Variants in CNTNAP5 observed in about 807,000 individuals in gnomAD.
CNTNAP5 encodes the protein contactin-associated protein-like 5.
A neutral mutation model predicts 150.2 loss-of-function variants in CNTNAP5; 72 were observed. That is an observed-to-expected ratio of 0.48 (90% CI 0.40 to 0.58). The LOEUF (loss-of-function observed/expected upper bound fraction) is 0.58, where lower values mean the gene tolerates loss of function less well. CNTNAP5 is among the 20% of genes least tolerant of loss of function. The pLI is 0.00. For synonymous variants in CNTNAP5, 672 were observed against 619.8 expected, an observed-to-expected ratio of 1.08 and a Z score of -1.25; for missense variants, 1,636 against 1,626.2, an observed-to-expected ratio of 1.01 and a Z score of -0.10.
chr2:124,876,101 CA>C (rs1417937931), intron 21 of CNTNAP5, among the ~76,000 whole-genome samples: 6 of 152,064 alleles, frequency 3.9e-5, no homozygotes, highest in African/African-American at 1.4e-4. Flanking sequence ...GTGAAATCAT[CA>C]ACTCCAGGTT....
chr2:124,446,466 C>A (rs1692820080), intron 5 of CNTNAP5, among the ~76,000 whole-genome samples: 1 of 152,132 alleles, frequency 6.6e-6, no homozygotes, highest in Admixed American at 6.5e-5. Context: ...CATTTTCAAT[C>A]ATATTTATGT....
At chr2:124,818,658 T>G (rs1196290742) in intron 19 of CNTNAP5, among the ~76,000 whole-genome samples, 1 of 152,082 alleles carries the variant, frequency 6.6e-6, no homozygotes, top group African/African-American at 2.4e-5. Context: ...CTCCCCCACT[T>G]TCCACTCCAT....
intron 3 of CNTNAP5, among the ~76,000 whole-genome samples, chr2:124,379,388 T>A (rs1418764291): frequency 6.6e-6 from 1 of 152,092 alleles, no homozygotes. Flanking sequence ...GTTTCCATAG[T>A]TTTGTCTTTT....
In CNTNAP5 at chr2:124,592,375, A is replaced by ATG. The variant is rs10675321; in HGVS notation, c.1757-17408_1757-17407dup. On this transcript the variant is annotated intron_variant, in intron 11 of 23. Coordinates refer to ENST00000682447, the MANE Select transcript of CNTNAP5 (RefSeq NM_001367498.1). ...TATATGTATACGTGTGTATATATAT[A>ATG]TGTGTGTGTGTGTGTGTGTATCAAA... Among the ~76,000 whole-genome samples the ATG allele has an allele frequency of 5.2e-3, 780 of 149,714 alleles. 8 individuals carry two copies. Among genetic ancestry groups the ATG allele is most frequent in the South Asian group, 0.041 (196 of 4,736 alleles).
intron 12 of CNTNAP5, among the ~76,000 whole-genome samples, chr2:124,620,774 C>CACACAT (rs1558707412): frequency 7.1e-6 from 1 of 140,034 alleles, no homozygotes; most frequent in East Asian, 2.1e-4. Context: ...CACACACACA[C>CACACAT]ATATATATGC....
Position 124,446,808 on chromosome 2 carries a change from C to T in CNTNAP5, c.789C>T (p.Leu263=), listed in dbSNP as rs1249877612. ...SSLPSATLGS[L]LDDQHWHSVL... Reference sequence around the variant, plus strand: ...TGCCCTCTGCCACCCTGGGCAGCCTCCTGGATGACCAGCACTGGCACTCGG... The same window carrying T: ...TGCCCTCTGCCACCCTGGGCAGCCTTCTGGATGACCAGCACTGGCACTCGG... Residue 263 remains leucine, a synonymous_variant, in exon 6 of 24, where the codon CTC becomes CTT. Transcript: ENST00000682447. 1.9e-6 allele frequency: 3 copies of T among 1,613,888 alleles called. No individual in the cohort carries two copies. In the Admixed American group the frequency reaches 5.0e-5, roughly 27 times the overall value.
chr2:124,635,677 T>A (rs1027111761), intron 12 of CNTNAP5, among the ~76,000 whole-genome samples: 1 of 152,182 alleles, frequency 6.6e-6, no homozygotes, highest in African/African-American at 2.4e-5. Context: ...TTCACTTTTG[T>A]TCTGAGCCCC....
At chr2:124,524,236 T>A (rs1694913639) in intron 8 of CNTNAP5, 67 bp from the exon 9 acceptor site, 1 of 1,541,678 alleles carries the variant, frequency 6.5e-7, no homozygotes. Flanking sequence ...GGCTGGGAAA[T>A]GAGCCCCCTC....
At position 124,439,227 on chromosome 2, in the gene CNTNAP5, G is replaced by C. The variant is rs568900558; in HGVS notation, c.733+4540G>C. 2.0e-4 allele frequency among the ~76,000 whole-genome samples: 31 copies of C among 152,112 alleles called. No individual in the cohort carries two copies. In the South Asian group the frequency reaches 6.2e-3, roughly 31 times the overall value. The stretch of plus-strand genomic sequence containing the variant: ...CAGGTATTTCATACAAAGAATCAAT[G>C]GGATAAAATGCATCACATTTTTCAT... On this transcript the variant is annotated intron_variant, in intron 5 of 23. Coordinates refer to ENST00000682447, the MANE Select transcript of CNTNAP5 (RefSeq NM_001367498.1).
At chr2:124,195,046 TA>T (rs11386942) in intron 1 of CNTNAP5, among the ~76,000 whole-genome samples, 3 of 149,440 alleles carry the variant, frequency 2.0e-5, no homozygotes, top group South Asian at 2.1e-4. Flanking sequence ...CAGAATTAAA[TA>T]AAAAAAAAAC....
intron 3 of CNTNAP5, among the ~76,000 whole-genome samples, chr2:124,332,225 T>A (rs926527470): frequency 4.6e-5 from 7 of 151,550 alleles, no homozygotes; most frequent in Admixed American, 4.6e-4. Context: ...TGGACAAAAA[T>A]TACTTTTTCT....
At chr2:124,280,995 A>C (rs1687998511) in intron 3 of CNTNAP5, among the ~76,000 whole-genome samples, 2 of 152,152 alleles carry the variant, frequency 1.3e-5, no homozygotes, top group Non-Finnish European at 2.9e-5. Flanking sequence ...TAGAACAAAG[A>C]AATACTGAAA....
At chr2:124,360,951 A>T (rs1414146312) in intron 3 of CNTNAP5, among the ~76,000 whole-genome samples, 1 of 144,086 alleles carries the variant, frequency 6.9e-6, no homozygotes, top group Non-Finnish European at 1.5e-5. Flanking sequence ...TACACCAATC[A>T]GATGTAGATT....
chr2:124,038,961 G>A lies in CNTNAP5; in HGVS notation c.82+13229G>A, dbSNP rs192535901. Among the ~76,000 whole-genome samples the A allele has an allele frequency of 2.0e-3, 305 of 152,286 alleles. 2 individuals are homozygous for A. Among genetic ancestry groups the A allele is most frequent in the African/African-American group, 7.1e-3 (297 of 41,562 alleles). On this transcript the variant is annotated intron_variant, in intron 1 of 23. Transcript: ENST00000682447. ...CTCTGCTTGTATTGGTCCGGGAGCT[G>A]ATGTCCAGGCTGGGAAATACTTCAA...
intron 10 of CNTNAP5, among the ~76,000 whole-genome samples, chr2:124,539,039 G>A (rs1237547429): frequency 6.6e-6 from 1 of 152,142 alleles, no homozygotes; most frequent in Admixed American, 6.6e-5. Context: ...GCCTTTGAAT[G>A]CTGTTTTTCC....
intron 7 of CNTNAP5, among the ~76,000 whole-genome samples, chr2:124,481,587 G>A (rs1195757441): frequency 6.6e-5 from 10 of 151,990 alleles, no homozygotes; most frequent in Admixed American, 6.6e-4. Context: ...TCTATTATAG[G>A]TATTTCATTT....
intron 11 of CNTNAP5, among the ~76,000 whole-genome samples, chr2:124,599,653 T>C (rs1696934354): frequency 6.6e-6 from 1 of 152,222 alleles, no homozygotes; most frequent in Admixed American, 6.5e-5. Context: ...AGATGATTTG[T>C]TCTTTAAAAG....
chr2:124,814,492 A>G (rs1190833094), intron 19 of CNTNAP5, among the ~76,000 whole-genome samples: 1 of 152,096 alleles, frequency 6.6e-6, no homozygotes, highest in Non-Finnish European at 1.5e-5. Flanking sequence ...GTGGGGGCCC[A>G]GTGTCTACAG....
chr2:124,863,703 G>C (rs1009955328), intron 19 of CNTNAP5, among the ~76,000 whole-genome samples: 3 of 152,158 alleles, frequency 2.0e-5, no homozygotes, highest in Admixed American at 6.5e-5. Flanking sequence ...ACTTGGGTGA[G>C]GACTGGGGAT....
Sources: gnomAD v4.1 joint callset for allele counts (sites outside exome capture counted in the v4.1 genomes callset) on GRCh38, gnomAD v4.1.1 for gene constraint, MANE v1.5 for transcripts, NCBI Gene and HGNC (gene_info 2026-07-23, HGNC 2026-07-21) for gene names.